ZC3H13: variants seen among roughly 807,000 people sequenced by gnomAD.
The protein encoded by ZC3H13 is zinc finger CCCH domain-containing protein 13.
Under a neutral mutation model 204.1 loss-of-function variants are expected in ZC3H13, and 64 were observed. The ratio of observed to expected loss-of-function variants is 0.31; its 90% confidence interval spans 0.26 to 0.39. The LOEUF (loss-of-function observed/expected upper bound fraction) is 0.39. ZC3H13 is among the 10% of genes least tolerant of loss of function. The pLI is 1.00. For synonymous variants in ZC3H13, 667 were observed against 693.7 expected (o/e 0.96, Z 0.60); for missense variants, 1,833 against 2,082.7 (o/e 0.88, Z 2.33).
chr13:46,040,507 G>A (rs911114717), intron 4 of ZC3H13, among the ~76,000 whole-genome samples: 4 of 151,950 alleles, frequency 2.6e-5, no homozygotes, highest in Non-Finnish European at 4.4e-5. Flanking sequence ...CAACATAGAC[G>A]TAAATCTTTG....
intron 12 of ZC3H13, 83 bp from the exon 13 acceptor site, chr13:45,970,548 C>T: frequency 9.3e-7 from 1 of 1,078,038 alleles, no homozygotes; most frequent in Non-Finnish European, 1.4e-6. Context: ...TATCTCTTTA[C>T]TATAACTGGA....
chr13:46,034,285 CTAGA>C (rs1286140222), intron 4 of ZC3H13, among the ~76,000 whole-genome samples: 9 of 152,112 alleles, frequency 5.9e-5, no homozygotes, highest in East Asian at 1.9e-4. Context: ...AGTTCTACCC[CTAGA>C]TATTTACCAA....
At chr13:46,001,718 G>A (rs1479477836) in intron 8 of ZC3H13, among the ~76,000 whole-genome samples, 1 of 151,336 alleles carries the variant, frequency 6.6e-6, no homozygotes, top group African/African-American at 2.4e-5. Context: ...CAAAATAAAA[G>A]TACAAAGAAC....
At position 45,965,261 on chromosome 13, in the gene ZC3H13, C is replaced by T; in HGVS notation, c.4474+19G>A. 1 of 1,609,190 alleles carries T rather than the reference C, an allele frequency of 6.2e-7. No individual in the cohort carries two copies. The highest frequency in any genetic ancestry group is 8.5e-7 in the Non-Finnish European group (1 of 1,177,686). ...ATAACAGATAATTTTCATGTTTAAC[C>T]ACCTCTGCAAATAGTTACCTGGCAT... On this transcript the variant is annotated intron_variant, in intron 16 of 18. Transcript: ENST00000679008.
At chr13:46,007,794 C>CTTTTAT (rs2041258054) in intron 7 of ZC3H13, among the ~76,000 whole-genome samples, 1 of 152,140 alleles carries the variant, frequency 6.6e-6, no homozygotes, top group Admixed American at 6.5e-5. Context: ...CACCTGTTTA[C>CTTTTAT]TTTTATCAGT....
chr13:45,991,077 T>C (rs1051494796), intron 8 of ZC3H13, among the ~76,000 whole-genome samples: 6 of 152,162 alleles, frequency 3.9e-5, no homozygotes, highest in African/African-American at 1.4e-4. Flanking sequence ...GCTGGGATTA[T>C]AGGCATGAGC....
In ZC3H13 at chr13:46,020,555, T is replaced by C. The variant is rs2042160225; in HGVS notation, c.342A>G (p.Lys114=). 6.3e-7 allele frequency: 1 copy of C among 1,599,292 alleles called. No individual in the cohort carries two copies. Among genetic ancestry groups the C allele is most frequent in the Admixed American group, 1.7e-5 (1 of 57,300 alleles). ...CCCTATGTCTCCCTCTTGAAGATTC[T>C]TTCTAAAAAAGTACATACATACATT... The part of the protein sequence containing the change: ...NTEESSSPVR[K]ESSRGRHREK... Residue 114 remains lysine (K), a splice_region_variant and synonymous_variant, in exon 5 of 19, where the codon AAA becomes AAG. Transcript: ENST00000679008.
intron 15 of ZC3H13, 50 bp downstream of exon 15, chr13:45,967,454 A>G: frequency 6.8e-7 from 1 of 1,478,234 alleles, no homozygotes; most frequent in Non-Finnish European, 9.0e-7. Flanking sequence ...TTTCCCACGA[A>G]ATCTGAAAAG....
In ZC3H13 at chr13:45,988,838, C is replaced by A; in HGVS notation, c.1204G>T (p.Asp402Tyr). 6.2e-7 allele frequency: 1 copy of A among 1,614,180 alleles called. No homozygotes were observed. Among genetic ancestry groups the A allele is most frequent in the South Asian group, 1.1e-5 (1 of 91,084 alleles). The change falls in exon 9 of 19, where the codon GAT becomes TAT. Residue 402 changes from aspartate (D) to tyrosine (Y), a missense_variant. Asp to Tyr is a radical substitution (Grantham distance 160). Around this residue, in one of 5 missense-constraint regions of ZC3H13, gnomAD observed 1,574 missense variants for 1,757.2 expected, o/e 0.90. Coordinates refer to ENST00000679008, the MANE Select transcript of ZC3H13 (RefSeq NM_001330564.2). ...RSPMREKGRHDHERTSQSHDR... is the reference protein window; with the variant it reads ...RSPMREKGRHYHERTSQSHDR... Reference sequence around the variant, plus strand: ...TGAGACTGTGAAGTTCGTTCATGATCATGTCTCCCTTTCTCTCGCATTGGA... The same window carrying A: ...TGAGACTGTGAAGTTCGTTCATGATAATGTCTCCCTTTCTCTCGCATTGGA...
chr13:46,032,492 T>A (rs573894647), intron 4 of ZC3H13, among the ~76,000 whole-genome samples: 69 of 152,162 alleles, frequency 4.5e-4, no homozygotes, highest in African/African-American at 1.5e-3. Flanking sequence ...TTTTTTTCTA[T>A]GAAATTGGCA....
intron 1 of ZC3H13, among the ~76,000 whole-genome samples, chr13:46,051,219 A>G (rs553586792): frequency 7.9e-5 from 12 of 152,332 alleles, no homozygotes; most frequent in African/African-American, 2.4e-4. Flanking sequence ...TGAAAATCAC[A>G]TAAGCTTGCA....
intron 5 of ZC3H13, among the ~76,000 whole-genome samples, chr13:46,015,160 C>G (rs763588934): frequency 6.6e-6 from 1 of 152,118 alleles, no homozygotes; most frequent in African/African-American, 2.4e-5. Flanking sequence ...ATGTAAACCC[C>G]CACTTGAAAA....
intron 1 of ZC3H13, among the ~76,000 whole-genome samples, chr13:46,047,315 A>G (rs903957522): frequency 6.6e-6 from 1 of 152,198 alleles, no homozygotes; most frequent in Non-Finnish European, 1.5e-5. Context: ...TTTTGATATA[A>G]TAGCAATTAA....
chr13:46,011,389 CAT>C, intron 6 of ZC3H13, 24 bp downstream of exon 6: 1 of 1,578,200 alleles, frequency 6.3e-7, no homozygotes, highest in South Asian at 1.2e-5. Flanking sequence ...TAAGTACTAA[CAT>C]ATTTATTGCA....
intron 2 of ZC3H13, 77 bp from the exon 3 acceptor site, chr13:46,045,141 C>G: frequency 2.4e-6 from 3 of 1,276,560 alleles, no homozygotes; most frequent in Non-Finnish European, 3.3e-6. Context: ...AAAATTAAAA[C>G]AAATGCTACC....
intron 4 of ZC3H13, among the ~76,000 whole-genome samples, chr13:46,037,744 T>G (rs1290354687): frequency 2.0e-5 from 3 of 152,160 alleles, no homozygotes; most frequent in African/African-American, 7.2e-5. Context: ...ATTTTACAAT[T>G]CCTTGTTGTA....
At chr13:45,965,885 AT>A (rs1952037785) in intron 15 of ZC3H13, among the ~76,000 whole-genome samples, 1 of 152,192 alleles carries the variant, frequency 6.6e-6, no homozygotes, top group Non-Finnish European at 1.5e-5. Flanking sequence ...CGAAGCTTAA[AT>A]CTTAGTTCAT....
chr13:46,009,721 A>C (rs2041408473), intron 7 of ZC3H13, among the ~76,000 whole-genome samples: 1 of 152,144 alleles, frequency 6.6e-6, no homozygotes, highest in Non-Finnish European at 1.5e-5. Context: ...CCTGAATATA[A>C]TCATTTCTAT....
Position 45,967,841 on chromosome 13 carries a change from A to C in ZC3H13, c.3984T>G (p.Asp1328Glu). 6.2e-7 allele frequency: 1 copy of C among 1,613,704 alleles called. No homozygotes were observed. Among genetic ancestry groups the C allele is most frequent in the Non-Finnish European group, 8.5e-7 (1 of 1,179,902 alleles). ...TRQREWDRDA[D>E]KDWPRNRDRD... ...GATCCCTGTTGCGTGGCCAATCTTT[A>C]TCAGCATCTCGGTCCCATTCTCTCT... Residue 1328 changes from aspartate (D) to glutamate (E), a missense_variant, in exon 15 of 19, where the codon GAT (aspartate) becomes GAG (glutamate). Physicochemically the swap from Asp to Glu is conservative, Grantham distance 45 (BLOSUM62 2). Coordinates refer to ENST00000679008, the MANE Select transcript of ZC3H13 (RefSeq NM_001330564.2).
Sources: allele counts gnomAD v4.1 joint callset (sites outside exome capture counted in the v4.1 genomes callset), GRCh38; gene constraint gnomAD v4.1.1; regional missense constraint gnomAD v4.1.1; transcripts MANE v1.5; gene names NCBI Gene and HGNC (gene_info 2026-07-23, HGNC 2026-07-21).